PLD1: variants seen among roughly 807,000 people sequenced by gnomAD.
PLD1 encodes the protein choline phosphatase 1.
A neutral mutation model predicts 137.1 loss-of-function variants in PLD1; 112 were observed. That is an observed-to-expected ratio of 0.82 (90% CI 0.70 to 0.96). The LOEUF (loss-of-function observed/expected upper bound fraction) is 0.96. PLD1 is among the 40% of genes least tolerant of loss of function. PLD1 has a pLI of 0.00. For missense variants in PLD1, 1,321 were observed against 1,342.0 expected, an observed-to-expected ratio of 0.98 and a Z score of 0.24; for synonymous variants, 431 against 454.7, an observed-to-expected ratio of 0.95 and a Z score of 0.66.
intron 6 of PLD1, among the ~76,000 whole-genome samples, chr3:171,729,806 T>C (rs1182941006): frequency 6.6e-6 from 1 of 152,214 alleles, no homozygotes; most frequent in African/African-American, 2.4e-5. Flanking sequence ...AAACACTGTG[T>C]GCACGTTTAT....
At chr3:171,603,733 A>G (rs1731992797) in intron 26 of PLD1, among the ~76,000 whole-genome samples, 1 of 152,184 alleles carries the variant, frequency 6.6e-6, no homozygotes, top group South Asian at 2.1e-4. Context: ...CTGGTTGAAA[A>G]TGAGTTTTGG....
At chr3:171,737,848 C>T (rs999770401) in intron 2 of PLD1, 44 bp downstream of exon 2, 3 of 1,575,294 alleles carry the variant, frequency 1.9e-6, no homozygotes, top group Non-Finnish European at 2.6e-6. Flanking sequence ...TCCGACCAAC[C>T]GAGATAAACT....
At chr3:171,795,401 C>G (rs2108354304) in intron 1 of PLD1, among the ~76,000 whole-genome samples, 1 of 152,332 alleles carries the variant, frequency 6.6e-6, no homozygotes. Context: ...CTCAGATAAT[C>G]TCTTGGAATA....
Position 171,740,495 on chromosome 3 carries a change from T to C in PLD1, c.-31-2413A>G, listed in dbSNP as rs189999771. Among the ~76,000 whole-genome samples the C allele has an allele frequency of 4.6e-5, 7 of 152,310 alleles. No individual in the cohort carries two copies. The East Asian group carries it at 1.3e-3, about 29-fold the overall frequency. On this transcript the variant is annotated intron_variant, in intron 1 of 26. Transcript: ENST00000351298. ...AAAGACTTCAGATATTTTTTATTGA[T>C]TAAACAGACTTATTAACTTTGCCAA...
rs1381527769 is a variant in PLD1, at chr3:171,704,231, G to T, written c.1146-4405C>A. Among the ~76,000 whole-genome samples, 2 of 152,110 alleles carry T rather than the reference G, an allele frequency of 1.3e-5. 1 individual carries two copies. The highest frequency in any genetic ancestry group is 1.3e-4 in the Admixed American group (2 of 15,262). ...GGGCCACTAGGTGGCACACATATGG[G>T]GCAGATCTGAATAGCACCACAAAGG... On this transcript the variant is annotated intron_variant, in intron 11 of 26. Transcript: ENST00000351298.
intron 1 of PLD1, among the ~76,000 whole-genome samples, chr3:171,758,268 C>T (rs747720231): frequency 5.3e-5 from 8 of 152,298 alleles, no homozygotes; most frequent in Non-Finnish European, 7.3e-5. Flanking sequence ...CATGTGCTCA[C>T]GTGACTCAGC....
At chr3:171,605,503 T>C (rs1732136344) in intron 25 of PLD1, 87 bp from the exon 26 acceptor site, 3 of 765,944 alleles carry the variant, frequency 3.9e-6, no homozygotes, top group Non-Finnish European at 7.0e-6. Context: ...TCTCTATATA[T>C]GCAAATATAT....
At chr3:171,772,440 C>A (rs1338905604) in intron 1 of PLD1, among the ~76,000 whole-genome samples, 2 of 152,204 alleles carry the variant, frequency 1.3e-5, no homozygotes, top group East Asian at 1.9e-4. Context: ...ATTAGCTCAA[C>A]AAATTCACCC....
At chr3:171,752,002 C>CAA (rs201612180) in intron 1 of PLD1, among the ~76,000 whole-genome samples, 4 of 78,236 alleles carry the variant, frequency 5.1e-5, no homozygotes, top group Non-Finnish European at 8.2e-5. Flanking sequence ...GACTCCGTCT[C>CAA]AAAAAAAAAA....
chr3:171,666,500 G>C (rs1712166697), intron 19 of PLD1, among the ~76,000 whole-genome samples: 1 of 152,232 alleles, frequency 6.6e-6, no homozygotes, highest in Admixed American at 6.5e-5. Flanking sequence ...AACTCAAGGT[G>C]AGATTTGTGT....
At chr3:171,640,485 T>C (rs771277245) in intron 23 of PLD1, among the ~76,000 whole-genome samples, 1 of 152,202 alleles carries the variant, frequency 6.6e-6, no homozygotes, top group Non-Finnish European at 1.5e-5. Flanking sequence ...ACATTTCCTT[T>C]TGTTATTTAT....
chr3:171,686,899 A>G, intron 15 of PLD1, 101 bp from the exon 16 acceptor site: 1 of 612,256 alleles, frequency 1.6e-6, no homozygotes, highest in Non-Finnish European at 2.9e-6. Context: ...GGGCTATAAC[A>G]TCAGTCTTAA....
At chr3:171,745,299 C>G (rs1227855874) in intron 1 of PLD1, among the ~76,000 whole-genome samples, 1 of 152,196 alleles carries the variant, frequency 6.6e-6, no homozygotes, top group Non-Finnish European at 1.5e-5. Flanking sequence ...GGTATTACTT[C>G]CAATCCTCAC....
chr3:171,616,454 C>T (rs571821205), intron 24 of PLD1, among the ~76,000 whole-genome samples: 2 of 152,194 alleles, frequency 1.3e-5, no homozygotes, highest in East Asian at 1.9e-4. Flanking sequence ...ATGGCAAAGG[C>T]GAACTAAGGC....
rs146936145 is a variant in PLD1, at chr3:171,692,351, C to T, written c.1319G>A (p.Arg440His). 127 of 1,514,418 alleles carry T rather than the reference C, an allele frequency of 8.4e-5. No homozygotes were observed. The Middle Eastern group carries it at 1.2e-3, about 14-fold the overall frequency. 93.8% of individuals were successfully genotyped at this position (1,514,418 alleles called of 1,614,324 possible). The change falls in exon 13 of 27, where the codon CGT becomes CAT. Residue 440 changes from arginine (R) to histidine (H), a missense_variant. Coordinates refer to ENST00000351298, the MANE Select transcript of PLD1 (RefSeq NM_002662.5). ...NSEYTKRTLM[R>H]LHPNIKVMRH... ...GAATACCTTTATGTTGGGATGTAGA[C>T]GCATCAAAGTCCTCTTGGTGTATTC...
Position 171,612,673 on chromosome 3 carries a change from A to G in PLD1, c.2729-241T>C, listed in dbSNP as rs534790261. On this transcript the variant is annotated intron_variant, in intron 24 of 26. Coordinates refer to ENST00000351298, the MANE Select transcript of PLD1 (RefSeq NM_002662.5). The surrounding 1 kb of genome is among the most constrained non-coding windows in gnomAD (Gnocchi z 4.1). ...ACTGGCTTAGAAATGGGCTCTTGAC[A>G]TGGTGCTAGCCAATGTGACATGAAG... 1.4e-4 allele frequency among the ~76,000 whole-genome samples: 21 copies of G among 152,290 alleles called. No homozygotes were observed. Among genetic ancestry groups the G allele is most frequent in the African/African-American group, 5.1e-4 (21 of 41,566 alleles).
intron 8 of PLD1, among the ~76,000 whole-genome samples, chr3:171,718,902 A>G (rs1278900185): frequency 1.3e-5 from 2 of 152,172 alleles, no homozygotes; most frequent in Non-Finnish European, 2.9e-5. Context: ...AACTATTATA[A>G]CTAATCTTGT....
intron 16 of PLD1, among the ~76,000 whole-genome samples, chr3:171,679,968 C>T (rs1364941139): frequency 6.6e-6 from 1 of 152,174 alleles, no homozygotes; most frequent in Non-Finnish European, 1.5e-5. Flanking sequence ...CCTGCCTTGT[C>T]TTTTGGCACA....
At chr3:171,762,984 T>C (rs1044759336) in intron 1 of PLD1, among the ~76,000 whole-genome samples, 13 of 152,208 alleles carry the variant, frequency 8.5e-5, no homozygotes, top group Non-Finnish European at 1.8e-4. Flanking sequence ...TTTTGGATTC[T>C]AATTCTAACT....
Sources: gnomAD v4.1 joint callset for allele counts (sites outside exome capture counted in the v4.1 genomes callset) on GRCh38, gnomAD v4.1.1 for gene constraint, Gnocchi (gnomAD v3.1) non-coding constraint, MANE v1.5 for transcripts, NCBI Gene and HGNC (gene_info 2026-07-23, HGNC 2026-07-21) for gene names.